The following CEP350 variants were observed in gnomAD, a reference collection of about 807,000 sequenced individuals.
CEP350 encodes centrosome-associated protein 350.
In CEP350, 126 loss-of-function variants were observed where a neutral mutation model predicts 331.8. That is an observed-to-expected ratio of 0.38 (90% CI 0.33 to 0.44). CEP350 has a LOEUF of 0.44. CEP350 is among the 20% of genes least tolerant of loss of function. The pLI is 1.00. For synonymous variants in CEP350, 1,200 were observed against 1,259.5 expected, an observed-to-expected ratio of 0.95 and a Z score of 1.00; for missense variants, 3,406 against 3,634.6, an observed-to-expected ratio of 0.94 and a Z score of 1.62.
At chr1:179,975,587 AAAC>A (rs1313168394) in intron 1 of CEP350, among the ~76,000 whole-genome samples, 1 of 150,432 alleles carries the variant, frequency 6.6e-6, no homozygotes, top group Non-Finnish European at 1.5e-5. Context: ...TATAATAAAG[AAAC>A]AAAGGTATAA....
At position 180,033,975 on chromosome 1, in the gene CEP350, C is replaced by T. The variant is rs150353024; in HGVS notation, c.3839C>T (p.Ser1280Leu). The T allele has an allele frequency of 2.4e-5, 38 of 1,613,792 alleles. No homozygotes were observed. In the African/African-American group the frequency reaches 2.5e-4, roughly 11 times the overall value. ...VAGTSSERSK[S>L]SVMPPTITGF... Reference sequence around the variant, plus strand: ...GGAACTTCTTCAGAAAGATCTAAGTCGTCAGTAATGCCTCCAACTATAACA... The same window carrying T: ...GGAACTTCTTCAGAAAGATCTAAGTTGTCAGTAATGCCTCCAACTATAACA... The change falls in exon 16 of 38, where the codon TCG (serine) becomes TTG (leucine). Residue 1280 changes from serine to leucine, a missense_variant. Around this residue, in one of 5 missense-constraint regions of CEP350, gnomAD observed 1,857 missense variants for 1,909.2 expected, o/e 0.97. Transcript: ENST00000367607.
intron 27 of CEP350, among the ~76,000 whole-genome samples, chr1:180,071,430 G>C (rs1374260848): frequency 1.4e-5 from 2 of 144,890 alleles, no homozygotes; most frequent in African/African-American, 2.6e-5. Flanking sequence ...TTGCACTCTA[G>C]TCTGGGCAAC....
At position 180,093,752 on chromosome 1, in the gene CEP350, G is replaced by A; in HGVS notation, c.7647G>A (p.Glu2549=). 2 of 1,613,934 alleles carry A rather than the reference G, an allele frequency of 1.2e-6. No homozygotes were observed. Among genetic ancestry groups the A allele is most frequent in the Middle Eastern group, 1.6e-4 (1 of 6,062 alleles). ...CATATGATGGTATTGCATATTTTGA[G>A]TGCAAAGAAAAGCATGGTATTTTTG... ...NGTYDGIAYF[E]CKEKHGIFAP... is the part of the protein sequence containing the mutation. Residue 2549 remains glutamate, a synonymous_variant, in exon 34 of 38, where the codon GAG becomes GAA. Transcript: ENST00000367607.
chr1:179,998,304 T>TAA (rs1162129411), intron 6 of CEP350, among the ~76,000 whole-genome samples: 40 of 127,488 alleles, frequency 3.1e-4, no homozygotes, highest in African/African-American at 1.2e-3. Context: ...TTCTATTTTC[T>TAA]TTTTTTTTTT....
intron 30 of CEP350, among the ~76,000 whole-genome samples, chr1:180,082,030 T>C (rs1388487372): frequency 6.6e-6 from 1 of 152,250 alleles, no homozygotes; most frequent in Admixed American, 6.5e-5. Context: ...ACTTGAATAC[T>C]TGGAAACATG....
chr1:180,081,888 C>G (rs1659592534), intron 30 of CEP350, among the ~76,000 whole-genome samples: 1 of 152,074 alleles, frequency 6.6e-6, no homozygotes, highest in South Asian at 2.1e-4. Flanking sequence ...GGAATAGAAT[C>G]ATTGAGTCAG....
Position 179,955,119 on chromosome 1 carries a change from C to G in CEP350, c.-37C>G, listed in dbSNP as rs1182987991. 1.1e-5 allele frequency: 16 copies of G among 1,473,468 alleles called. No individual in the cohort carries two copies. In the East Asian group the frequency reaches 4.4e-4, roughly 41 times the overall value. 91.3% of individuals were successfully genotyped at this position (1,473,468 alleles called of 1,614,324 possible). A position where few individuals can be genotyped will look rare whatever the true frequency, so the allele number is the denominator to read the frequency against. On this transcript the variant is annotated 5_prime_UTR_variant, in exon 1 of 38. Transcript: ENST00000367607. ...GCTCCGCGGGATGCACCGTGGTAGC[C>G]GAGGGCGGAGGCGACACTCTCAGGT...
At chr1:180,105,351 C>T (rs1290263652) in intron 37 of CEP350, among the ~76,000 whole-genome samples, 2 of 152,058 alleles carry the variant, frequency 1.3e-5, no homozygotes, top group Non-Finnish European at 2.9e-5. Flanking sequence ...AGTCTCATGG[C>T]TTTGACTACG....
At chr1:180,080,188 A>C (rs1219954093) in intron 29 of CEP350, among the ~76,000 whole-genome samples, 1 of 152,154 alleles carries the variant, frequency 6.6e-6, no homozygotes, top group Non-Finnish European at 1.5e-5. Flanking sequence ...GTATTTTTAA[A>C]ATTAAAAGAA....
chr1:180,094,868 G>A (rs1294326663), intron 34 of CEP350, among the ~76,000 whole-genome samples: 2 of 152,150 alleles, frequency 1.3e-5, no homozygotes, highest in Non-Finnish European at 2.9e-5. Flanking sequence ...GCACTGGCAG[G>A]TTTTGGGGAA....
At chr1:179,984,846 C>T (rs957257325) in intron 1 of CEP350, among the ~76,000 whole-genome samples, 2 of 152,108 alleles carry the variant, frequency 1.3e-5, no homozygotes, top group Admixed American at 6.5e-5. Flanking sequence ...TTCAAACTTT[C>T]TGTGTTGTTA....
chr1:180,006,877 G>A (rs545733829), intron 8 of CEP350, among the ~76,000 whole-genome samples: 14 of 152,208 alleles, frequency 9.2e-5, no homozygotes, highest in African/African-American at 3.1e-4. Context: ...CTGTTCCTGT[G>A]TTAGTTTGCT....
At chr1:179,963,538 G>T (rs1650783587) in intron 1 of CEP350, among the ~76,000 whole-genome samples, 1 of 151,754 alleles carries the variant, frequency 6.6e-6, no homozygotes, top group Non-Finnish European at 1.5e-5. Context: ...ATGCTAGCCA[G>T]TTTTTTTGTG....
At chr1:180,084,954 G>T (rs550647472) in intron 31 of CEP350, among the ~76,000 whole-genome samples, 1 of 150,806 alleles carries the variant, frequency 6.6e-6, no homozygotes, top group South Asian at 2.1e-4. Flanking sequence ...AGAAAGATTG[G>T]TGTCTATACC....
intron 29 of CEP350, among the ~76,000 whole-genome samples, chr1:180,080,202 A>T (rs1659481033): frequency 1.3e-5 from 2 of 152,240 alleles, no homozygotes; most frequent in South Asian, 4.1e-4. Context: ...AAAAGAATGG[A>T]GGGGGGCGGT....
chr1:179,997,223 C>T (rs758446272), intron 6 of CEP350, 48 bp downstream of exon 6: 40 of 1,553,722 alleles, frequency 2.6e-5, no homozygotes, highest in African/African-American at 1.4e-5. Flanking sequence ...CTTTGTTCTT[C>T]TTTCTCCCTA....
intron 2 of CEP350, among the ~76,000 whole-genome samples, chr1:179,986,631 TA>T (rs1371877493): frequency 2.6e-5 from 4 of 152,186 alleles, no homozygotes; most frequent in African/African-American, 9.7e-5. Flanking sequence ...AAGGCATTGA[TA>T]TTTTTTGAGG....
In CEP350 at chr1:180,080,520, C is replaced by T; in HGVS notation, c.5983C>T (p.Leu1995Phe). 1 of 1,612,532 alleles carries T rather than the reference C, an allele frequency of 6.2e-7. No homozygotes were observed. Among genetic ancestry groups the T allele is most frequent in the Non-Finnish European group, 8.5e-7 (1 of 1,179,398 alleles). The change falls in exon 30 of 38, where the codon CTT becomes TTT. Residue 1995 changes from leucine (L) to phenylalanine (F), a missense_variant. Leu to Phe is a conservative substitution (Grantham distance 22). Around this residue, in one of 5 missense-constraint regions of CEP350, gnomAD observed 1,415 missense variants for 1,512.3 expected, o/e 0.94. Transcript: ENST00000367607. ...ESSTSPSKHS[L>F]PKSCTSVSKQ... ...ATTTGGTTTTCTGTTTGAACAGTCA[C>T]TTCCCAAAAGCTGCACATCTGTGTC...
chr1:180,071,141 C>T (rs1216976893), intron 27 of CEP350, among the ~76,000 whole-genome samples: 4 of 121,552 alleles, frequency 3.3e-5, no homozygotes, highest in African/African-American at 1.3e-4. Flanking sequence ...AGCACGACTC[C>T]ATCTCAAAAA....
Sources: allele counts gnomAD v4.1 joint callset (sites outside exome capture counted in the v4.1 genomes callset), GRCh38; gene constraint gnomAD v4.1.1; regional missense constraint gnomAD v4.1.1; transcripts MANE v1.5; gene names NCBI Gene and HGNC (gene_info 2026-07-23, HGNC 2026-07-21).